CD300LF: variants seen among roughly 807,000 people sequenced by gnomAD.
The protein encoded by CD300LF is CD300 molecule like family member f.
In CD300LF, 27 loss-of-function variants were observed where a neutral mutation model predicts 32.2. That is an observed-to-expected ratio of 0.84 (90% CI 0.62 to 1.15). The LOEUF (loss-of-function observed/expected upper bound fraction) is 1.15, where lower values mean the gene tolerates loss of function less well. Ranked by LOEUF, CD300LF falls within the 50% of genes most tolerant of loss-of-function variation. The probability of loss-of-function intolerance (pLI) is 0.00; values close to 1 mark genes in which losing one functional copy is unlikely to be tolerated. For synonymous variants in CD300LF, 139 were observed against 143.2 expected, an observed-to-expected ratio of 0.97 and a Z score of 0.21; for missense variants, 348 against 356.8, an observed-to-expected ratio of 0.98 and a Z score of 0.20.
At chr17:74,708,704 G>C (rs11077761) in intron 1 of CD300LF, among the ~76,000 whole-genome samples, 16,842 of 152,022 alleles carry the variant, frequency 0.11, 1,212 homozygotes, top group Admixed American at 0.19. Flanking sequence ...ATCAGGAGGT[G>C]AGGAGATCGA....
intron 2 of CD300LF, among the ~76,000 whole-genome samples, chr17:74,704,022 G>A (rs1167061509): frequency 1.3e-5 from 2 of 152,202 alleles, no homozygotes; most frequent in African/African-American, 4.8e-5. Context: ...ACTATGCTGA[G>A]CCTCTTTTTC....
At position 74,694,952 on chromosome 17, in the gene CD300LF, A is replaced by G. The variant is rs2032284126; in HGVS notation, c.*144T>C. ...CCCCTGAGACTTGGCCCCAAGCCCA[A>G]CCCAGAGCTAGGGGCAATGCTGGCT... On this transcript the variant is annotated 3_prime_UTR_variant, in exon 7 of 7. Coordinates refer to ENST00000326165, the MANE Select transcript of CD300LF (RefSeq NM_139018.5). 1 of 924,362 alleles carries G rather than the reference A, an allele frequency of 1.1e-6. No homozygotes were observed. Among genetic ancestry groups the G allele is most frequent in the Non-Finnish European group, 1.6e-6 (1 of 624,664 alleles). The allele number at this position is 924,362 out of a possible 1,614,324, so 57.3% of individuals were successfully genotyped here. A position where few individuals can be genotyped will look rare whatever the true frequency, so the allele number is the denominator to read the frequency against.
intron 1 of CD300LF, among the ~76,000 whole-genome samples, chr17:74,708,496 T>C (rs1340342475): frequency 1.3e-5 from 2 of 152,152 alleles, no homozygotes; most frequent in African/African-American, 2.4e-5. Context: ...ATATCACTCA[T>C]TAACATAAAT....
chr17:74,695,332 A>G (rs899953212), intron 6 of CD300LF, 81 bp from the exon 7 acceptor site: 39 of 1,538,088 alleles, frequency 2.5e-5, no homozygotes, highest in Non-Finnish European at 3.4e-5. Flanking sequence ...GGAGGAGGAT[A>G]GTGGGGATGG....
At chr17:74,697,747 C>G (rs889252547) in intron 4 of CD300LF, among the ~76,000 whole-genome samples, 1 of 152,144 alleles carries the variant, frequency 6.6e-6, no homozygotes, top group Non-Finnish European at 1.5e-5. Context: ...CCCTGAAGAG[C>G]TAGTTCACAA....
chr17:74,708,744 G>C (rs539934575), intron 1 of CD300LF, among the ~76,000 whole-genome samples: 1 of 152,042 alleles, frequency 6.6e-6, no homozygotes, highest in Non-Finnish European at 1.5e-5. Flanking sequence ...GTGAAACCCT[G>C]TCTCTACTAA....
chr17:74,706,383 C>T (rs189263848), intron 1 of CD300LF, among the ~76,000 whole-genome samples: 33 of 146,532 alleles, frequency 2.3e-4, no homozygotes, highest in Admixed American at 1.4e-3. Context: ...TCCCTGTATC[C>T]GGAATCTTTC....
chr17:74,694,964 G>A lies in CD300LF; in HGVS notation c.*132C>T, dbSNP rs1005309041. ...GGCCCCAAGCCCAACCCAGAGCTAGGGGCAATGCTGGCTGATCAGGCAGAG... is the reference window on the plus strand; with the variant it reads ...GGCCCCAAGCCCAACCCAGAGCTAGAGGCAATGCTGGCTGATCAGGCAGAG... On this transcript the variant is annotated 3_prime_UTR_variant, in exon 7 of 7. Transcript: ENST00000326165. 5 of 1,034,552 alleles carry A rather than the reference G, an allele frequency of 4.8e-6. No individual in the cohort carries two copies. Among genetic ancestry groups the A allele is most frequent in the Admixed American group, 4.8e-5 (2 of 41,332 alleles). The allele number at this position is 1,034,552 out of a possible 1,614,324, so 64.1% of individuals were successfully genotyped here.
At chr17:74,696,719 C>T (rs1234527148) in intron 4 of CD300LF, among the ~76,000 whole-genome samples, 1 of 152,176 alleles carries the variant, frequency 6.6e-6, no homozygotes, top group Non-Finnish European at 1.5e-5. Flanking sequence ...CTAGTTAGTC[C>T]TCAGGTGGGC....
chr17:74,705,460 C>T, intron 1 of CD300LF: 2 of 506,244 alleles, frequency 4.0e-6, no homozygotes, highest in Non-Finnish European at 7.2e-6. Context: ...TTGTGGATTT[C>T]CCATTCTGTT....
chr17:74,702,738 G>C (rs1262001078), intron 3 of CD300LF, among the ~76,000 whole-genome samples: 1 of 152,146 alleles, frequency 6.6e-6, no homozygotes, highest in Non-Finnish European at 1.5e-5. Context: ...GTCCATGTCT[G>C]TGTCCCCAGA....
Position 74,695,004 on chromosome 17 carries a change from G to C in CD300LF, c.*92C>G. Reference sequence around the variant, plus strand: ...ATCAGGCAGAGGCACCAGTCCCCGGGTTGGTCCTGATGAGGGGAGCAGGGG... The same window carrying C: ...ATCAGGCAGAGGCACCAGTCCCCGGCTTGGTCCTGATGAGGGGAGCAGGGG... On this transcript the variant is annotated 3_prime_UTR_variant, in exon 7 of 7. Transcript: ENST00000326165. 7.2e-7 allele frequency: 1 copy of C among 1,384,952 alleles called. No homozygotes were observed. The highest frequency in any genetic ancestry group is 9.9e-7 in the Non-Finnish European group (1 of 1,013,786). 85.8% of individuals were successfully genotyped at this position (1,384,952 alleles called of 1,614,324 possible).
chr17:74,696,419 C>T (rs1252326828), intron 4 of CD300LF, among the ~76,000 whole-genome samples: 4 of 152,168 alleles, frequency 2.6e-5, no homozygotes, highest in Non-Finnish European at 5.9e-5. Flanking sequence ...TTCACTTCTC[C>T]ACCAGGAAAA....
Position 74,698,417 on chromosome 17 carries a change from C to A in CD300LF, c.511G>T (p.Val171Leu). The A allele has an allele frequency of 6.2e-7, 1 of 1,614,072 alleles. No homozygotes were observed. The highest frequency in any genetic ancestry group is 8.5e-7 in the Non-Finnish European group (1 of 1,180,026). Residue 171 changes from valine to leucine, a missense_variant, in exon 4 of 7, where the codon GTG becomes TTG. Physicochemically the swap from Val to Leu is conservative, Grantham distance 32. Transcript: ENST00000326165. ...LIFTILLLLL[V>L]AASLLAWRMM... ...CTCCAAGCCAAGAGTGAGGCGGCCA[C>A]CAAAAGCAGCAGCAATATGGTGAAG...
In CD300LF at chr17:74,710,853, C is replaced by T. The variant is rs531611719; in HGVS notation, c.43+1971G>A. 7.9e-5 allele frequency among the ~76,000 whole-genome samples: 12 copies of T among 150,978 alleles called. No individual in the cohort carries two copies. The South Asian group carries it at 2.1e-3, about 26-fold the overall frequency. On this transcript the variant is annotated intron_variant, in intron 1 of 6. Transcript: ENST00000326165. ...CTGCACTCCAGCCTGAGTGACAGAG[C>T]GAGACTCTGTCTCAAAAAAAAAAAC...
intron 6 of CD300LF, 105 bp downstream of exon 6, chr17:74,695,620 C>T: frequency 6.5e-7 from 1 of 1,527,824 alleles, no homozygotes; most frequent in African/African-American, 1.4e-5. Context: ...CACCTGCCTC[C>T]TCTATGCCCA....
intron 1 of CD300LF, among the ~76,000 whole-genome samples, chr17:74,711,133 G>T (rs933390610): frequency 1.2e-4 from 19 of 152,242 alleles, no homozygotes; most frequent in East Asian, 1.9e-4. Context: ...TTATTTAGAA[G>T]AGGGAAACAG....
intron 1 of CD300LF, among the ~76,000 whole-genome samples, chr17:74,711,303 C>T (rs1344131975): frequency 6.6e-6 from 1 of 152,096 alleles, no homozygotes; most frequent in African/African-American, 2.4e-5. Context: ...AAACCACTCC[C>T]ACTCCCAACA....
At chr17:74,711,934 T>C (rs1416009705) in intron 1 of CD300LF, among the ~76,000 whole-genome samples, 1 of 145,922 alleles carries the variant, frequency 6.9e-6, no homozygotes, top group Non-Finnish European at 1.5e-5. Flanking sequence ...AAACAGAGTC[T>C]CGCTCTGTCA....
Sources: allele counts gnomAD v4.1 joint callset (sites outside exome capture counted in the v4.1 genomes callset), GRCh38; gene constraint gnomAD v4.1.1; transcripts MANE v1.5; gene names NCBI Gene and HGNC (gene_info 2026-07-23, HGNC 2026-07-21).